Variants in TENM2 observed in about 807,000 individuals in gnomAD.
TENM2 encodes the protein teneurin-2.
A neutral mutation model predicts 245.2 loss-of-function variants in TENM2; 52 were observed. The observed-to-expected ratio is 0.21, with a 90% CI of 0.17 to 0.27. The LOEUF is 0.27. Ranked by LOEUF, TENM2 falls within the 10% of genes least tolerant of loss-of-function variation. The pLI is 1.00. For synonymous variants in TENM2, 1,363 were observed against 1,438.9 expected (o/e 0.95, Z 1.19); for missense variants, 3,046 against 3,666.8 (o/e 0.83, Z 4.37).
At chr5:167,088,140 G>A in the TENM2 span, among the ~76,000 whole-genome samples, 1 of 152,122 alleles carries the variant, frequency 6.6e-6, no homozygotes, top group Non-Finnish European at 1.5e-5. Flanking sequence ...AGTGGAACAA[G>A]CTAGTTAGCT....
At chr5:167,133,746 G>A in the TENM2 span, among the ~76,000 whole-genome samples, 9 of 151,248 alleles carry the variant, frequency 6.0e-5, no homozygotes, top group Admixed American at 5.9e-4. Context: ...TTCTACTTGT[G>A]GTCTCAACTT....
chr5:167,420,404 G>C lies in TENM2; in HGVS notation c.502+44931G>C, dbSNP rs142258355. On this transcript the variant is annotated intron_variant, in intron 2 of 28. Transcript: ENST00000518659. ...ATGTATAGCTGGTAATAAGTATGAT[G>C]GCAAGTGGAGTGGAGTGGGCTTTAC... is the stretch of plus-strand genomic sequence containing the variant. Among the ~76,000 whole-genome samples the C allele has an allele frequency of 1.8e-4, 27 of 152,218 alleles. No individual in the cohort carries two copies. In the East Asian group the frequency reaches 4.6e-3, roughly 26 times the overall value.
intron 2 of TENM2, among the ~76,000 whole-genome samples, chr5:167,499,243 CT>C (rs1169768472): frequency 2.6e-4 from 39 of 151,972 alleles, no homozygotes; most frequent in Admixed American, 2.6e-3. Flanking sequence ...TTTCCATGTA[CT>C]GTATCAGGTA....
intron 2 of TENM2, among the ~76,000 whole-genome samples, chr5:167,389,707 T>C (rs1422524): frequency 0.2 from 29,679 of 152,150 alleles, 3,017 homozygotes; most frequent in African/African-American, 0.22. Flanking sequence ...TTATGTGAAA[T>C]TGCAATCCTT....
rs542011578 is a variant in TENM2 at position 168,030,605 on chromosome 5, G to GAGCT, written c.1187-16821_1187-16818dup. 2.2e-4 allele frequency among the ~76,000 whole-genome samples: 33 copies of GAGCT among 152,236 alleles called. 1 individual carries two copies. In the East Asian group the frequency reaches 5.8e-3, roughly 27 times the overall value. On this transcript the variant is annotated intron_variant, in intron 5 of 28. Coordinates refer to ENST00000518659, the Ensembl canonical transcript of TENM2. ...GCCCGAAACCATCGGCCCAGACAGT[G>GAGCT]AGCTTTTTGAGGGCAGGAGTGGTCT...
At chr5:168,228,038 C>T in exon 25 of TENM2, 1 of 1,613,920 alleles carries the variant, frequency 6.2e-7, no homozygotes, top group Non-Finnish European at 8.5e-7. Context: ...CAACATCTCC[C>T]TGCCTATGGA....
chr5:167,783,891 T>C (rs1221069775), intron 2 of TENM2, among the ~76,000 whole-genome samples: 1 of 151,954 alleles, frequency 6.6e-6, no homozygotes, highest in Non-Finnish European at 1.5e-5. Flanking sequence ...ACCAGGGCCT[T>C]GGTCAAGCTT....
chr5:167,465,604 C>T (rs1302968506), intron 2 of TENM2, among the ~76,000 whole-genome samples: 1 of 152,158 alleles, frequency 6.6e-6, no homozygotes, highest in Non-Finnish European at 1.5e-5. Flanking sequence ...CCGAGGCAGG[C>T]GGATCACGAG....
At chr5:168,090,057 T>G (rs1370712470) in intron 7 of TENM2, among the ~76,000 whole-genome samples, 1 of 152,184 alleles carries the variant, frequency 6.6e-6, no homozygotes, top group African/African-American at 2.4e-5. Context: ...AAATGGTAGC[T>G]GGTAACATGG....
chr5:168,079,801 GC>G (rs1257751977), intron 7 of TENM2, among the ~76,000 whole-genome samples: 1 of 152,214 alleles, frequency 6.6e-6, no homozygotes, highest in Admixed American at 6.5e-5. Flanking sequence ...TAGTGGATAA[GC>G]TTTTTGATGT....
chr5:168,030,182 TTTTTTC>T, intron 5 of TENM2, among the ~76,000 whole-genome samples: 1 of 135,952 alleles, frequency 7.4e-6, no homozygotes, highest in African/African-American at 2.9e-5. Context: ...TTTTTTTTTT[TTTTTTC>T]ATCTTTCCAC....
rs1768961327 is a variant in TENM2 at position 167,498,532 on chromosome 5, G to C, written c.502+123059G>C. On this transcript the variant is annotated intron_variant, in intron 2 of 28. Transcript: ENST00000518659. ...TCCCTCTACTTGAGGCATCGACCCT[G>C]ACCCTCTGGTCTAAACGTTTTGTTC... 2.0e-5 allele frequency among the ~76,000 whole-genome samples: 3 copies of C among 152,118 alleles called. No individual in the cohort carries two copies. The East Asian group carries it at 5.8e-4, about 29-fold the overall frequency.
the TENM2 span, among the ~76,000 whole-genome samples, chr5:167,265,675 T>C: frequency 4.6e-5 from 7 of 152,294 alleles, no homozygotes; most frequent in African/African-American, 1.7e-4. Context: ...CCTTCGTCTC[T>C]GTATTGCTGC....
At chr5:168,123,430 A>G (rs1168254192) in intron 10 of TENM2, among the ~76,000 whole-genome samples, 1 of 152,258 alleles carries the variant, frequency 6.6e-6, no homozygotes, top group Non-Finnish European at 1.5e-5. Context: ...TCATCTGAAT[A>G]TAACAGTGAA....
At chr5:167,832,914 A>G (rs938093183) in intron 2 of TENM2, among the ~76,000 whole-genome samples, 15 of 152,184 alleles carry the variant, frequency 9.9e-5, no homozygotes, top group Non-Finnish European at 1.9e-4. Context: ...CAAATGCTAC[A>G]GATCAGGGCT....
chr5:167,723,572 A>T (rs911262907), intron 2 of TENM2, among the ~76,000 whole-genome samples: 1 of 152,128 alleles, frequency 6.6e-6, no homozygotes, highest in Non-Finnish European at 1.5e-5. Flanking sequence ...ATTTGAACTC[A>T]GTTTCTTCTC....
intron 2 of TENM2, among the ~76,000 whole-genome samples, chr5:167,442,567 C>CAAAA (rs1764933415): frequency 7.0e-6 from 1 of 143,114 alleles, no homozygotes; most frequent in Non-Finnish European, 1.5e-5. Context: ...TTGAACTTTT[C>CAAAA]TTGCCAATTT....
the TENM2 span, among the ~76,000 whole-genome samples, chr5:167,146,140 C>G: frequency 6.6e-6 from 1 of 152,126 alleles, no homozygotes; most frequent in Non-Finnish European, 1.5e-5. Context: ...ATCACCAAAG[C>G]TCTCTGCCAG....
At chr5:167,964,750 A>G (rs768275866) in intron 4 of TENM2, among the ~76,000 whole-genome samples, 10 of 152,162 alleles carry the variant, frequency 6.6e-5, no homozygotes, top group African/African-American at 1.2e-4. Flanking sequence ...ACAATGAGCC[A>G]CTAGGGGCAG....
Sources: allele counts gnomAD v4.1 joint callset (sites outside exome capture counted in the v4.1 genomes callset), GRCh38; gene constraint gnomAD v4.1.1; transcripts MANE v1.5; gene names NCBI Gene and HGNC (gene_info 2026-07-23, HGNC 2026-07-21).